Variants in NCF2 observed in about 807,000 individuals in gnomAD.
The protein encoded by NCF2 is neutrophil cytosolic factor 2, also known as neutrophil cytosol factor 2.
A neutral mutation model predicts 70.9 loss-of-function variants in NCF2; 45 were observed. That is an observed-to-expected ratio of 0.63 (90% CI 0.50 to 0.81). The LOEUF is 0.81. Ranked by LOEUF, NCF2 falls within the 40% of genes least tolerant of loss-of-function variation. The pLI, the probability that NCF2 is intolerant of heterozygous loss-of-function variation, is 0.00. For missense variants in NCF2, 522 were observed against 631.6 expected, an observed-to-expected ratio of 0.83 and a Z score of 1.86; for synonymous variants, 203 against 233.6, an observed-to-expected ratio of 0.87 and a Z score of 1.19.
At chr1:183,578,031 A>C (rs2102913348) in intron 2 of NCF2, among the ~76,000 whole-genome samples, 1 of 152,260 alleles carries the variant, frequency 6.6e-6, no homozygotes, top group African/African-American at 2.4e-5. Context: ...TGCAGCTCTC[A>C]TTCTCTCTTG....
rs1333539694 is a variant in NCF2, at chr1:183,581,296, AAG to A, written c.258-3591_258-3590del. Among the ~76,000 whole-genome samples the A allele has an allele frequency of 9.0e-4, 118 of 130,860 alleles. 2 individuals carry two copies. The highest frequency in any genetic ancestry group is 1.5e-3 in the Non-Finnish European group (99 of 64,222). The allele number at this position is 130,860 out of a possible 152,430, so 85.8% of individuals were successfully genotyped here. The stretch of plus-strand genomic sequence containing the variant: ...AATCCTGACTCAAAAAAAAAAAAAA[AAG>A]AAAGAAAGAAAGAAAGAAAAGAAAG... On this transcript the variant is annotated intron_variant, in intron 2 of 14. Coordinates refer to ENST00000367535, the MANE Select transcript of NCF2 (RefSeq NM_000433.4).
At chr1:183,579,399 G>A (rs1672951323) in intron 2 of NCF2, among the ~76,000 whole-genome samples, 1 of 152,040 alleles carries the variant, frequency 6.6e-6, no homozygotes, top group Non-Finnish European at 1.5e-5. Context: ...AAGTTACCTA[G>A]CTTCCCTAAG....
chr1:183,577,447 T>G (rs1395460878), intron 3 of NCF2, 152 bp downstream of exon 3: 1 of 690,580 alleles, frequency 1.4e-6, no homozygotes, highest in Non-Finnish European at 2.7e-6. Flanking sequence ...TCTCAGTCTT[T>G]TCTTCAAGGA....
Position 183,574,686 on chromosome 1 carries a change from C to G in NCF2, c.367-65G>C. 6 of 1,577,540 alleles carry G rather than the reference C, an allele frequency of 3.8e-6. No individual in the cohort carries two copies. In the South Asian group the frequency reaches 6.7e-5, roughly 17 times the overall value. On this transcript the variant is annotated intron_variant, in intron 3 of 14. Coordinates refer to ENST00000367535, the MANE Select transcript of NCF2 (RefSeq NM_000433.4). ...TCCAAATCAAGGTGCCAGGGAAAGGCTCACACGTATACTCTGAGAATGTTG... is the reference window on the plus strand; with the variant it reads ...TCCAAATCAAGGTGCCAGGGAAAGGGTCACACGTATACTCTGAGAATGTTG...
In NCF2 at chr1:183,560,106, C is replaced by T; in HGVS notation, c.1458G>A (p.Val486=). 1 of 1,614,106 alleles carries T rather than the reference C, an allele frequency of 6.2e-7. No homozygotes were observed. Among genetic ancestry groups the T allele is most frequent in the Non-Finnish European group, 8.5e-7 (1 of 1,179,978 alleles). Residue 486 remains valine, a synonymous_variant, in exon 14 of 15, where the codon GTG becomes GTA. Coordinates refer to ENST00000367535, the MANE Select transcript of NCF2 (RefSeq NM_000433.4). ...TGGAGTAGCACTTACCCTTTGATAA[C>T]ACCAGGATTATATCCCCTTCCTGAA... is the stretch of plus-strand genomic sequence containing the variant. ...LEFQEGDIIL[V]LSKVNEEWLE... is the part of the protein sequence containing the mutation.
the NCF2 span, among the ~76,000 whole-genome samples, chr1:183,599,482 C>CTTTCTTTCTTTCTTTCTTTCT: frequency 1.4e-5 from 1 of 72,944 alleles, no homozygotes; most frequent in Non-Finnish European, 2.9e-5. Flanking sequence ...TTCTTTCTTT[C>CTTTCTTTCTTTCTTTCTTTCT]TCTTTTCTTT....
chr1:183,598,674 A>G, the NCF2 span, among the ~76,000 whole-genome samples: 1 of 152,228 alleles, frequency 6.6e-6, no homozygotes, highest in African/African-American at 2.4e-5. Flanking sequence ...CTTGGTGGAG[A>G]TGGTGTCATT....
chr1:183,592,515 T>A (rs974052376), upstream of NCF2, among the ~76,000 whole-genome samples: 4 of 152,196 alleles, frequency 2.6e-5, no homozygotes, highest in Non-Finnish European at 5.9e-5. Flanking sequence ...CCATGCCTTT[T>A]CATTCTAGGA....
chr1:183,558,179 T>A (rs1252238746), intron 14 of NCF2, among the ~76,000 whole-genome samples: 2 of 152,076 alleles, frequency 1.3e-5, no homozygotes, highest in Non-Finnish European at 2.9e-5. Flanking sequence ...CAGCCTATAC[T>A]ACTCATATTT....
intron 7 of NCF2, chr1:183,567,608 C>A: frequency 1.8e-6 from 1 of 547,388 alleles, no homozygotes; most frequent in Non-Finnish European, 3.4e-6. Flanking sequence ...GACTTACAAT[C>A]CTTGCCCTCC....
In NCF2 at chr1:183,556,100, T is replaced by C. The variant is rs939462052; in HGVS notation, c.*18A>G. On this transcript the variant is annotated 3_prime_UTR_variant, in exon 15 of 15. Coordinates refer to ENST00000367535, the MANE Select transcript of NCF2 (RefSeq NM_000433.4). ...AATAGGGCTTCATTTTCTTCAGCTT[T>C]GTAGTTTGTGAAACATCCTAGACTT... The C allele has an allele frequency of 1.9e-6, 3 of 1,595,860 alleles. No homozygotes were observed. The highest frequency in any genetic ancestry group is 2.6e-6 in the Non-Finnish European group (3 of 1,163,284).
Position 183,567,222 on chromosome 1 carries a change from C to T in NCF2, c.837G>A (p.Thr279=), listed in dbSNP as rs942486247. ...TGCATACCTGCCCGTTGAACATGAC[C>T]GTGGCCCAGTTATCATTGCCCTTCT... The part of the protein sequence containing the change: ...VLKKGNDNWA[T]VMFNGQKGLV... The change falls in exon 8 of 15, where the codon ACG becomes ACA. Residue 279 remains threonine, a synonymous_variant. Coordinates refer to ENST00000367535, the MANE Select transcript of NCF2 (RefSeq NM_000433.4). 6.8e-6 allele frequency: 11 copies of T among 1,614,150 alleles called. No individual in the cohort carries two copies. Among genetic ancestry groups the T allele is most frequent in the Middle Eastern group, 1.6e-4 (1 of 6,062 alleles).
intron 6 of NCF2, among the ~76,000 whole-genome samples, chr1:183,570,413 C>T (rs1422882707): frequency 2.0e-5 from 3 of 152,252 alleles, no homozygotes; most frequent in African/African-American, 7.2e-5. Flanking sequence ...TCCCCACTTG[C>T]CCCTGTACTC....
intron 2 of NCF2, among the ~76,000 whole-genome samples, chr1:183,585,564 G>A (rs998219780): frequency 3.4e-5 from 5 of 148,304 alleles, no homozygotes; most frequent in Non-Finnish European, 7.4e-5. Context: ...GGCAGAGGTT[G>A]CAGTGAGCCG....
chr1:183,563,751 T>C, intron 11 of NCF2, 166 bp from the exon 12 acceptor site: 1 of 887,232 alleles, frequency 1.1e-6, no homozygotes, highest in Non-Finnish European at 1.8e-6. Flanking sequence ...CAGAGGTCCT[T>C]TAGCCCAACC....
chr1:183,590,466 C>A, upstream of NCF2: 1 of 905,776 alleles, frequency 1.1e-6, no homozygotes, highest in Admixed American at 2.0e-5. Flanking sequence ...GAATGGGGCC[C>A]AGCCTCCCTT....
At chr1:183,573,370 G>C (rs761227257) in intron 4 of NCF2, 78 bp from the exon 5 acceptor site, 6 of 1,257,192 alleles carry the variant, frequency 4.8e-6, no homozygotes, top group Non-Finnish European at 7.0e-6. Context: ...TCAGTGAATA[G>C]ATGCAAGAAT....
At chr1:183,591,141 A>G (rs1673624488), upstream of NCF2, among the ~76,000 whole-genome samples, 1 of 152,190 alleles carries the variant, frequency 6.6e-6, no homozygotes, top group African/African-American at 2.4e-5. Flanking sequence ...ATCACTCAAT[A>G]AAACTCCCCA....
upstream of NCF2, among the ~76,000 whole-genome samples, chr1:183,594,641 G>A (rs1572185243): frequency 1.3e-5 from 2 of 152,182 alleles, no homozygotes; most frequent in South Asian, 4.2e-4. Flanking sequence ...ATTTGTTGAG[G>A]CATTGGTTGG....
Sources: allele counts gnomAD v4.1 joint callset (sites outside exome capture counted in the v4.1 genomes callset), GRCh38; gene constraint gnomAD v4.1.1; transcripts MANE v1.5; gene names NCBI Gene and HGNC (gene_info 2026-07-23, HGNC 2026-07-21).